KCNG3: variants seen among roughly 807,000 people sequenced by gnomAD.
The protein encoded by KCNG3 is voltage-gated potassium channel regulatory subunit KCNG3.
A neutral mutation model predicts 29.0 loss-of-function variants in KCNG3; 15 were observed. The ratio of observed to expected loss-of-function variants is 0.52; its 90% CI spans 0.35 to 0.80. The LOEUF (loss-of-function observed/expected upper bound fraction) is 0.80. Ranked by LOEUF, KCNG3 falls within the 30% of genes least tolerant of loss-of-function variation. The pLI, the probability that KCNG3 is intolerant of heterozygous loss-of-function variation, is 0.01. For missense variants in KCNG3, 512 were observed against 605.7 expected (o/e 0.85, Z 1.62); for synonymous variants, 322 against 248.9 (o/e 1.29, Z -2.76).
chr2:42,478,498 T>G (rs898760745), intron 1 of KCNG3, among the ~76,000 whole-genome samples: 1 of 152,012 alleles, frequency 6.6e-6, no homozygotes, highest in African/African-American at 2.4e-5. Context: ...CCCAAAGTGC[T>G]AGGATTACAG....
At chr2:42,392,741 G>C in the KCNG3 span, among the ~76,000 whole-genome samples, 1 of 151,888 alleles carries the variant, frequency 6.6e-6, no homozygotes, top group African/African-American at 2.4e-5. Flanking sequence ...CGATGAATGA[G>C]GGTCCTGGCA....
chr2:42,443,327 G>T lies in KCNG3; in HGVS notation c.*607C>A, dbSNP rs1466175555. The T allele has an allele frequency of 6.6e-6, 1 of 152,554 alleles. No individual in the cohort carries two copies. Among genetic ancestry groups the T allele is most frequent in the Non-Finnish European group, 1.5e-5 (1 of 68,034 alleles). The allele number at this position is 152,554 out of a possible 1,614,324, so 9.5% of individuals were successfully genotyped here. A position where few individuals can be genotyped will look rare whatever the true frequency, so the allele number is the denominator to read the frequency against. ...AAGCTTCCATGAAGCGGCACGATAA[G>T]GTGAATAATTGGCACAAAAATAAAG... On this transcript the variant is annotated 3_prime_UTR_variant, in exon 2 of 2. Transcript: ENST00000306078.
At chr2:42,431,411 T>G in the KCNG3 span, among the ~76,000 whole-genome samples, 1 of 152,172 alleles carries the variant, frequency 6.6e-6, no homozygotes, top group South Asian at 2.1e-4. Flanking sequence ...TATACACATT[T>G]GCATTGAAGA....
At chr2:42,389,425 T>C in the KCNG3 span, among the ~76,000 whole-genome samples, 2 of 152,240 alleles carry the variant, frequency 1.3e-5, no homozygotes, top group Non-Finnish European at 2.9e-5. Flanking sequence ...CCCTTGACTA[T>C]TTCCTGGGAA....
At chr2:42,479,607 C>A (rs1296206105) in intron 1 of KCNG3, among the ~76,000 whole-genome samples, 1 of 148,766 alleles carries the variant, frequency 6.7e-6, no homozygotes, top group Non-Finnish European at 1.5e-5. Flanking sequence ...GATAGCACCA[C>A]TGCACTTCAG....
chr2:42,480,639 T>C (rs945850006), intron 1 of KCNG3, among the ~76,000 whole-genome samples: 1 of 151,976 alleles, frequency 6.6e-6, no homozygotes. Flanking sequence ...TATTCTTCTT[T>C]CAATTTTTTT....
chr2:42,460,244 C>T (rs1243370822), intron 1 of KCNG3, among the ~76,000 whole-genome samples: 1 of 151,444 alleles, frequency 6.6e-6, no homozygotes, highest in East Asian at 2.0e-4. Flanking sequence ...GTAGCCCTAG[C>T]TACTCAGAAG....
At chr2:42,452,243 A>ATATATTTTTTTT in intron 1 of KCNG3, among the ~76,000 whole-genome samples, 1 of 95,066 alleles carries the variant, frequency 1.1e-5, no homozygotes, top group African/African-American at 3.9e-5. Context: ...ATATATATAT[A>ATATATTTTTTTT]TTTTTTTTTT....
In KCNG3 at chr2:42,493,797, C is replaced by T. The variant is rs867769693; in HGVS notation, c.-296G>A. 3.8e-5 allele frequency: 10 copies of T among 266,468 alleles called. No homozygotes were observed. Among genetic ancestry groups the T allele is most frequent in the Non-Finnish European group, 6.4e-5 (9 of 141,706 alleles). 16.5% of individuals were successfully genotyped at this position (266,468 alleles called of 1,614,324 possible). A position where few individuals can be genotyped will look rare whatever the true frequency, so the allele number is the denominator to read the frequency against. On this transcript the variant is annotated 5_prime_UTR_variant, in exon 1 of 2. Transcript: ENST00000306078. ...AACGCGGCTGTGTCCGCGCCGCCGACCCTCGCGCCCGAGGGCTGCGCACAC... is the reference window on the plus strand; with the variant it reads ...AACGCGGCTGTGTCCGCGCCGCCGATCCTCGCGCCCGAGGGCTGCGCACAC...
the KCNG3 span, among the ~76,000 whole-genome samples, chr2:42,409,732 T>TAAAAAAAAA: frequency 5.5e-5 from 7 of 126,204 alleles, no homozygotes; most frequent in Admixed American, 1.5e-4. Flanking sequence ...AAAAAAAATT[T>TAAAAAAAAA]TTTTTTAAAT....
At chr2:42,479,273 T>C (rs1477049493) in intron 1 of KCNG3, among the ~76,000 whole-genome samples, 2 of 152,152 alleles carry the variant, frequency 1.3e-5, no homozygotes, top group African/African-American at 2.4e-5. Context: ...CAGAAGTAAC[T>C]TGCCATCTCA....
the KCNG3 span, among the ~76,000 whole-genome samples, chr2:42,436,623 G>T: frequency 6.6e-6 from 1 of 152,136 alleles, no homozygotes; most frequent in African/African-American, 2.4e-5. Flanking sequence ...CACTTGTGTG[G>T]GATTAAACAG....
At position 42,493,654 on chromosome 2, in the gene KCNG3, C is replaced by T. The variant is rs1466310938; in HGVS notation, c.-153G>A. ...GCTCCGCTCCTGCCCTCCGCTGGCC[C>T]GGGGGTCCCTGGGCTCGAGTATCTC... On this transcript the variant is annotated 5_prime_UTR_variant, in exon 1 of 2. Transcript: ENST00000306078. 1 of 562,586 alleles carries T rather than the reference C, an allele frequency of 1.8e-6. No individual in the cohort carries two copies. The highest frequency in any genetic ancestry group is 2.0e-5 in the African/African-American group (1 of 51,084). The allele number at this position is 562,586 out of a possible 1,614,324, so 34.8% of individuals were successfully genotyped here. A position where few individuals can be genotyped will look rare whatever the true frequency, so the allele number is the denominator to read the frequency against.
At chr2:42,434,049 A>C in the KCNG3 span, among the ~76,000 whole-genome samples, 2 of 152,264 alleles carry the variant, frequency 1.3e-5, no homozygotes, top group East Asian at 3.8e-4. Flanking sequence ...ACTTAATATG[A>C]ATAAGATGCT....
At chr2:42,411,310 C>T in the KCNG3 span, among the ~76,000 whole-genome samples, 2 of 152,064 alleles carry the variant, frequency 1.3e-5, no homozygotes, top group East Asian at 1.9e-4. Flanking sequence ...TAGTTTTAAA[C>T]AAGTGTCAGC....
the KCNG3 span, among the ~76,000 whole-genome samples, chr2:42,417,870 G>A: frequency 2.0e-5 from 3 of 151,994 alleles, no homozygotes; most frequent in Non-Finnish European, 4.4e-5. Flanking sequence ...TACTTGGGAG[G>A]CTGAGGCAGG....
chr2:42,485,623 T>C (rs1558389918), intron 1 of KCNG3, among the ~76,000 whole-genome samples: 1 of 152,230 alleles, frequency 6.6e-6, no homozygotes. Context: ...TTTGTTTTTG[T>C]ATTTTTAGCA....
chr2:42,397,527 A>G, the KCNG3 span, among the ~76,000 whole-genome samples: 3 of 152,228 alleles, frequency 2.0e-5, no homozygotes, highest in African/African-American at 7.2e-5. Flanking sequence ...TATGGTTTAC[A>G]TATTCAAAAA....
chr2:42,412,179 G>T, the KCNG3 span, among the ~76,000 whole-genome samples: 2 of 152,172 alleles, frequency 1.3e-5, no homozygotes, highest in African/African-American at 2.4e-5. Context: ...CAGCTATGAT[G>T]ATATGACTTT....
Sources: gnomAD v4.1 joint callset for allele counts (sites outside exome capture counted in the v4.1 genomes callset) on GRCh38, gnomAD v4.1.1 for gene constraint, MANE v1.5 for transcripts, NCBI Gene and HGNC (gene_info 2026-07-23, HGNC 2026-07-21) for gene names.